The following ABHD13 variants were observed in gnomAD, a reference collection of about 807,000 sequenced individuals.
ABHD13 encodes protein ABHD13.
A neutral mutation model predicts 25.2 loss-of-function variants in ABHD13; 7 were observed. The ratio of observed to expected loss-of-function variants is 0.28; its 90% CI spans 0.16 to 0.52. ABHD13 has a LOEUF of 0.52. Ranked by LOEUF, ABHD13 falls within the 20% of genes least tolerant of loss-of-function variation. The probability of loss-of-function intolerance (pLI) is 0.96; values close to 1 mark genes in which losing one functional copy is unlikely to be tolerated. For missense variants in ABHD13, 302 were observed against 402.7 expected (o/e 0.75, Z 2.14); for synonymous variants, 133 against 136.1 (o/e 0.98, Z 0.16).
chr13:108,218,735 C>G (rs1392920938), intron 1 of ABHD13, 76 bp downstream of exon 1: 1 of 151,578 alleles, frequency 6.6e-6, no homozygotes, highest in Non-Finnish European at 1.5e-5. Flanking sequence ...TCGCGGGGAG[C>G]CGCCGGCTCC....
At chr13:108,225,355 A>G (rs926821277) in intron 1 of ABHD13, among the ~76,000 whole-genome samples, 1 of 152,162 alleles carries the variant, frequency 6.6e-6, no homozygotes, top group Non-Finnish European at 1.5e-5. Context: ...GGAGCCATGA[A>G]AAGGAATGAA....
intron 1 of ABHD13, among the ~76,000 whole-genome samples, chr13:108,227,896 C>T (rs12856208): frequency 0.055 from 8,403 of 151,916 alleles, 229 homozygotes; most frequent in East Asian, 0.11. Flanking sequence ...TTGGTTTATG[C>T]TCAAAAAGGT....
chr13:108,222,903 GAA>G (rs1389950964), intron 1 of ABHD13, among the ~76,000 whole-genome samples: 14 of 152,206 alleles, frequency 9.2e-5, no homozygotes, highest in South Asian at 2.1e-4. Flanking sequence ...GAAACATGAA[GAA>G]AGTCAGGCTC....
intron 1 of ABHD13, among the ~76,000 whole-genome samples, chr13:108,224,167 A>G (rs1423939952): frequency 6.6e-6 from 1 of 152,110 alleles, no homozygotes; most frequent in Non-Finnish European, 1.5e-5. Context: ...TCTTTCTTTG[A>G]TTTTTCTTTG....
chr13:108,226,164 T>C (rs771064628), intron 1 of ABHD13, among the ~76,000 whole-genome samples: 1 of 152,068 alleles, frequency 6.6e-6, no homozygotes, highest in Non-Finnish European at 1.5e-5. Context: ...TCTGCTTTTT[T>C]GAAAACCCAA....
At chr13:108,223,619 A>T (rs1325294742) in intron 1 of ABHD13, among the ~76,000 whole-genome samples, 2 of 152,254 alleles carry the variant, frequency 1.3e-5, no homozygotes, top group East Asian at 3.8e-4. Flanking sequence ...CTTGATTCTT[A>T]CAAAGGCACC....
At chr13:108,222,768 CACAT>C (rs1879595618) in intron 1 of ABHD13, among the ~76,000 whole-genome samples, 1 of 152,050 alleles carries the variant, frequency 6.6e-6, no homozygotes, top group Admixed American at 6.6e-5. Flanking sequence ...ATTACATACT[CACAT>C]AAATAAAATT....
At chr13:108,221,860 A>G (rs1169029539) in intron 1 of ABHD13, among the ~76,000 whole-genome samples, 4 of 149,546 alleles carry the variant, frequency 2.7e-5, no homozygotes, top group Admixed American at 1.3e-4. Flanking sequence ...TTTTTTTGAG[A>G]CATAGTCTCA....
At position 108,233,515 on chromosome 13, in the gene ABHD13, G is replaced by A. The variant is rs957829306; in HGVS notation, c.*3283G>A. ...TTCTTCTTTCCCATTTTCCTATTAT[G>A]TTTGATAATTATATGTATTTTTAAA... On this transcript the variant is annotated 3_prime_UTR_variant, in exon 2 of 2. Coordinates refer to ENST00000375898, the MANE Select transcript of ABHD13 (RefSeq NM_032859.3). 13 of 166,550 alleles carry A rather than the reference G, an allele frequency of 7.8e-5. No homozygotes were observed. The highest frequency in any genetic ancestry group is 1.9e-4 in the Non-Finnish European group (13 of 67,898). The allele number at this position is 166,550 out of a possible 1,614,324, so 10.3% of individuals were successfully genotyped here. A position where few individuals can be genotyped will look rare whatever the true frequency, so the allele number is the denominator to read the frequency against.
At chr13:108,222,288 G>A (rs1879585158) in intron 1 of ABHD13, among the ~76,000 whole-genome samples, 3 of 151,688 alleles carry the variant, frequency 2.0e-5, no homozygotes, top group African/African-American at 7.3e-5. Context: ...CTAACCTTAC[G>A]GCAATAATTA....
intron 1 of ABHD13, among the ~76,000 whole-genome samples, chr13:108,227,507 A>C (rs1233861001): frequency 6.6e-6 from 1 of 152,110 alleles, no homozygotes; most frequent in African/African-American, 2.4e-5. Context: ...ATGTAAATTG[A>C]TATAAATGTA....
chr13:108,223,041 C>G (rs1356831763), intron 1 of ABHD13, among the ~76,000 whole-genome samples: 1 of 152,240 alleles, frequency 6.6e-6, no homozygotes, highest in Admixed American at 6.5e-5. Context: ...CATCTGAAAC[C>G]TACATCAGAG....
At chr13:108,224,026 G>A (rs1192469158) in intron 1 of ABHD13, among the ~76,000 whole-genome samples, 1 of 152,138 alleles carries the variant, frequency 6.6e-6, no homozygotes, top group Non-Finnish European at 1.5e-5. Context: ...TTAAAACATT[G>A]CATAAGTTTC....
At chr13:108,224,413 C>T (rs1414619126) in intron 1 of ABHD13, among the ~76,000 whole-genome samples, 1 of 152,162 alleles carries the variant, frequency 6.6e-6, no homozygotes, top group African/African-American at 2.4e-5. Context: ...TCACAGCTCC[C>T]CTGGGAGCCT....
rs1879863097 is a variant in ABHD13, at chr13:108,233,820, A to G, written c.*3588A>G. The G allele has an allele frequency of 6.0e-6, 1 of 166,876 alleles. No homozygotes were observed. Among genetic ancestry groups the G allele is most frequent in the Admixed American group, 6.6e-5 (1 of 15,252 alleles). 10.3% of individuals were successfully genotyped at this position (166,876 alleles called of 1,614,324 possible). On this transcript the variant is annotated 3_prime_UTR_variant, in exon 2 of 2. Transcript: ENST00000375898. ...TACATTTTTGCCAAATGGCGCAAAT[A>G]TACCTCCATTTATATTTTGTATCTT...
chr13:108,232,493 A>G lies in ABHD13; in HGVS notation c.*2261A>G, dbSNP rs1259960487. ...AGGGGTCCATGAAGCCCATGGCATC[A>G]TTTTTGAAAATATTTCTAGTTTTGT... is the stretch of plus-strand genomic sequence containing the variant. On this transcript the variant is annotated 3_prime_UTR_variant, in exon 2 of 2. Transcript: ENST00000375898. The G allele has an allele frequency of 6.0e-6, 1 of 166,954 alleles. No homozygotes were observed. The allele number at this position is 166,954 out of a possible 1,614,324, so 10.3% of individuals were successfully genotyped here.
At chr13:108,220,295 T>C (rs1230733768) in intron 1 of ABHD13, among the ~76,000 whole-genome samples, 1 of 152,236 alleles carries the variant, frequency 6.6e-6, no homozygotes, top group African/African-American at 2.4e-5. Flanking sequence ...CTTGGGCACA[T>C]CAAAGACCTC....
chr13:108,226,962 A>G (rs1169075413), intron 1 of ABHD13, among the ~76,000 whole-genome samples: 1 of 152,098 alleles, frequency 6.6e-6, no homozygotes, highest in African/African-American at 2.4e-5. Flanking sequence ...TGTTAAGGAG[A>G]AAACACACCC....
chr13:108,229,059 C>T lies in ABHD13; in HGVS notation c.-20-140C>T, dbSNP rs1198360357. On this transcript the variant is annotated intron_variant, in intron 1 of 1. Transcript: ENST00000375898. The surrounding 1 kb of genome is among the most constrained non-coding windows in gnomAD (Gnocchi z 4.7). ...ACAGAAAGGACAAGGGAAATTATAG[C>T]AGCTACTTTTGTGGATGGACTGTAC... is the stretch of plus-strand genomic sequence containing the variant. 9 of 526,240 alleles carry T rather than the reference C, an allele frequency of 1.7e-5. No individual in the cohort carries two copies. Among genetic ancestry groups the T allele is most frequent in the Admixed American group, 7.6e-5 (2 of 26,226 alleles). The allele number at this position is 526,240 out of a possible 1,614,324, so 32.6% of individuals were successfully genotyped here.
Sources: gnomAD v4.1 joint callset for allele counts (sites outside exome capture counted in the v4.1 genomes callset) on GRCh38, gnomAD v4.1.1 for gene constraint, Gnocchi (gnomAD v3.1) non-coding constraint, MANE v1.5 for transcripts, NCBI Gene and HGNC (gene_info 2026-07-23, HGNC 2026-07-21) for gene names.